CARF: variants seen among roughly 807,000 people sequenced by gnomAD.
CARF encodes the protein calcium responsive transcription factor.
Under a neutral mutation model 82.0 loss-of-function variants are expected in CARF, and 57 were observed. The ratio of observed to expected loss-of-function variants is 0.70; its 90% confidence interval spans 0.56 to 0.87. CARF has a LOEUF of 0.87. Ranked by LOEUF, CARF falls within the 40% of genes least tolerant of loss-of-function variation. The pLI, the probability that CARF is intolerant of heterozygous loss-of-function variation, is 0.00. For synonymous variants in CARF, 268 were observed against 290.1 expected, an observed-to-expected ratio of 0.92 and a Z score of 0.77; for missense variants, 771 against 855.8, an observed-to-expected ratio of 0.90 and a Z score of 1.24.
chr2:202,918,452 C>T (rs1005557830), intron 2 of CARF, among the ~76,000 whole-genome samples: 3 of 151,958 alleles, frequency 2.0e-5, no homozygotes, highest in Non-Finnish European at 2.9e-5. Context: ...ACCTGGGAGG[C>T]GGAGCTTGCA....
At chr2:202,983,413 A>C (rs1253829865) in intron 16 of CARF, 93 bp from the exon 17 acceptor site, 1 of 807,998 alleles carries the variant, frequency 1.2e-6, no homozygotes, top group Non-Finnish European at 1.9e-6. Flanking sequence ...AAGTTTTCAC[A>C]GAAGTTATTT....
rs1265878886 is a variant in CARF at position 202,987,240 on chromosome 2, CCA to C, written c.*3618_*3619del. 3.3e-5 allele frequency among the ~76,000 whole-genome samples: 5 copies of C among 151,094 alleles called. No individual in the cohort carries two copies. The highest frequency in any genetic ancestry group is 1.2e-4 in the African/African-American group (5 of 41,132). The stretch of plus-strand genomic sequence containing the variant: ...GTAATAAGTAATTCTCCACGCCCAC[CCA>C]CCCCCAGCCCCCCGATGTTTTGGCA... On this transcript the variant is annotated 3_prime_UTR_variant, in exon 17 of 17. Coordinates refer to ENST00000438828, the MANE Select transcript of CARF (RefSeq NM_024744.17).
chr2:202,985,143 A>G lies in CARF; in HGVS notation c.*1519A>G, dbSNP rs2060393566. The G allele has an allele frequency of 6.6e-6, 1 of 152,082 alleles. No homozygotes were observed. Among genetic ancestry groups the G allele is most frequent in the Admixed American group, 6.6e-5 (1 of 15,262 alleles). 9.4% of individuals were successfully genotyped at this position (152,082 alleles called of 1,614,324 possible). On this transcript the variant is annotated 3_prime_UTR_variant, in exon 17 of 17. Coordinates refer to ENST00000438828, the MANE Select transcript of CARF (RefSeq NM_024744.17). ...AAAGGCTTTTGTTTCTCCAGAGACC[A>G]TTTGTGGGTATATTTTATATTTTAA...
At chr2:202,959,338 T>A (rs1177197119) in intron 8 of CARF, among the ~76,000 whole-genome samples, 2 of 152,210 alleles carry the variant, frequency 1.3e-5, no homozygotes, top group Non-Finnish European at 2.9e-5. Flanking sequence ...TTAACTATTA[T>A]AACGAAAAGT....
chr2:202,986,903 T>TATACATATATATATATATAC lies in CARF; in HGVS notation c.*3282_*3283insCATATATATATATATACATA, dbSNP rs1553584766. 2 of 84,592 alleles carry TATACATATATATATATATAC rather than the reference T, an allele frequency of 2.4e-5. No individual in the cohort carries two copies. Among genetic ancestry groups the TATACATATATATATATATAC allele is most frequent in the Non-Finnish European group, 3.0e-5 (1 of 33,488 alleles). 5.2% of individuals were successfully genotyped at this position (84,592 alleles called of 1,614,324 possible). On this transcript the variant is annotated 3_prime_UTR_variant, in exon 17 of 17. Transcript: ENST00000438828. The stretch of plus-strand genomic sequence containing the variant: ...ATATATATATATATATATATATATA[T>TATACATATATATATATATAC]ATATAGCAACTTGATGTATAGTGTC...
At chr2:202,981,051 C>A (rs1270116869) in intron 14 of CARF, among the ~76,000 whole-genome samples, 1 of 152,078 alleles carries the variant, frequency 6.6e-6, no homozygotes. Flanking sequence ...TCTTAAACAT[C>A]CCTTAGAGAT....
At chr2:202,973,945 G>A (rs1264853685) in intron 12 of CARF, among the ~76,000 whole-genome samples, 1 of 151,956 alleles carries the variant, frequency 6.6e-6, no homozygotes, top group Non-Finnish European at 1.5e-5. Context: ...AAAATTAGCC[G>A]GGCGTGGTGG....
chr2:202,954,174 C>T (rs1209380802), intron 7 of CARF, 40 bp downstream of exon 7: 5 of 1,584,722 alleles, frequency 3.2e-6, no homozygotes, highest in African/African-American at 1.4e-5. Flanking sequence ...TTTAATATCA[C>T]CATGGAAATC....
intron 3 of CARF, among the ~76,000 whole-genome samples, chr2:202,930,418 T>C (rs959667525): frequency 1.3e-5 from 2 of 152,192 alleles, no homozygotes; most frequent in Non-Finnish European, 2.9e-5. Flanking sequence ...TTTTCATCAT[T>C]ATTTCCTTCT....
chr2:202,941,424 G>GTA, intron 3 of CARF, among the ~76,000 whole-genome samples: 1 of 151,790 alleles, frequency 6.6e-6, no homozygotes, highest in African/African-American at 2.4e-5. Context: ...GGTAAAAATT[G>GTA]TATATATATA....
At chr2:202,929,688 A>C (rs979466058) in intron 3 of CARF, among the ~76,000 whole-genome samples, 1 of 152,074 alleles carries the variant, frequency 6.6e-6, no homozygotes, top group African/African-American at 2.4e-5. Flanking sequence ...GTTCCATACA[A>C]ATTTTAAGGT....
intron 16 of CARF, 106 bp from the exon 17 acceptor site, chr2:202,983,400 C>A: frequency 1.4e-6 from 1 of 726,870 alleles, no homozygotes; most frequent in Non-Finnish European, 2.2e-6. Context: ...CTTTGAAGAA[C>A]AAAAGTTTTC....
chr2:202,964,740 C>CT (rs1190339720), intron 9 of CARF, among the ~76,000 whole-genome samples: 1 of 151,922 alleles, frequency 6.6e-6, no homozygotes, highest in Non-Finnish European at 1.5e-5. Context: ...TCTCATACCC[C>CT]TTACACTTCC....
At chr2:202,972,834 T>C (rs1482084595) in intron 12 of CARF, among the ~76,000 whole-genome samples, 2 of 152,198 alleles carry the variant, frequency 1.3e-5, no homozygotes, top group Non-Finnish European at 2.9e-5. Flanking sequence ...AAGCCCCCTC[T>C]TAAAGGCATG....
chr2:202,924,839 C>G (rs895697761), intron 3 of CARF: 1 of 191,488 alleles, frequency 5.2e-6, no homozygotes, highest in Non-Finnish European at 1.1e-5. Context: ...ATCACAGCTG[C>G]CACAGTGACC....
Position 202,933,638 on chromosome 2 carries a change from G to A in CARF, c.-43-8222G>A, listed in dbSNP as rs183392948. On this transcript the variant is annotated intron_variant, in intron 3 of 16. Transcript: ENST00000438828. ...CTCTATGTGGCCATCCCGAGTTTCT[G>A]TGCTCGTCAATGCTCTCCCTCATTT... Among the ~76,000 whole-genome samples the A allele has an allele frequency of 9.5e-4, 143 of 150,270 alleles. 1 individual carries two copies. The highest frequency in any genetic ancestry group is 3.3e-3 in the African/African-American group (136 of 41,400).
intron 3 of CARF, among the ~76,000 whole-genome samples, chr2:202,940,444 G>A (rs1338383164): frequency 2.0e-5 from 3 of 152,026 alleles, no homozygotes; most frequent in East Asian, 3.9e-4. Context: ...TTCCAATATG[G>A]GGAGTCTTTA....
In CARF at chr2:202,976,086, T is replaced by TCC. The variant is rs1166952188; in HGVS notation, c.1495-1183_1495-1182insCC. On this transcript the variant is annotated intron_variant, in intron 13 of 16. Coordinates refer to ENST00000438828, the MANE Select transcript of CARF (RefSeq NM_024744.17). ...ATCCATCTATCCATCCATCCATCCA[T>TCC]ACATACATACATACATACAGTTCTT... Among the ~76,000 whole-genome samples, 469 of 151,890 alleles carry TCC rather than the reference T, an allele frequency of 3.1e-3. 1 individual carries two copies. The highest frequency in any genetic ancestry group is 0.01 in the Middle Eastern group (3 of 294).
In CARF at chr2:202,954,053, T is replaced by C; in HGVS notation, c.476T>C (p.Val159Ala). The stretch of plus-strand genomic sequence containing the variant: ...AACAGAAACTTACCAACTGTAAGAG[T>C]GGATACTCTAGCAGACAATACCAGC... ...PSNRNLPTVR[V>A]DTLADNTSNY... Residue 159 changes from valine to alanine, a missense_variant, in exon 7 of 17, where the codon GTG (valine) becomes GCG (alanine). By Grantham distance (64) the Val-to-Ala change is moderately conservative. Coordinates refer to ENST00000438828, the MANE Select transcript of CARF (RefSeq NM_024744.17). 6.2e-7 allele frequency: 1 copy of C among 1,612,374 alleles called. No individual in the cohort carries two copies. Among genetic ancestry groups the C allele is most frequent in the Non-Finnish European group, 8.5e-7 (1 of 1,179,308 alleles).
Sources: gnomAD v4.1 joint callset for allele counts (sites outside exome capture counted in the v4.1 genomes callset) on GRCh38, gnomAD v4.1.1 for gene constraint, MANE v1.5 for transcripts, NCBI Gene and HGNC (gene_info 2026-07-23, HGNC 2026-07-21) for gene names.